SMAP1: variants seen among roughly 807,000 people sequenced by gnomAD.
SMAP1 encodes stromal membrane-associated protein 1.
A neutral mutation model predicts 58.5 loss-of-function variants in SMAP1; 24 were observed. The ratio of observed to expected loss-of-function variants is 0.41; its 90% confidence interval spans 0.30 to 0.58. The LOEUF is 0.58. Among genes scored for constraint, SMAP1 ranks in the 20% least tolerant of loss-of-function variants. The pLI is 0.29. For missense variants in SMAP1, 563 were observed against 566.3 expected, an observed-to-expected ratio of 0.99 and a Z score of 0.06; for synonymous variants, 216 against 196.6, an observed-to-expected ratio of 1.10 and a Z score of -0.82.
chr6:70,771,877 C>G (rs531046008), intron 3 of SMAP1, among the ~76,000 whole-genome samples: 151 of 152,188 alleles, frequency 9.9e-4, no homozygotes, highest in Non-Finnish European at 2.1e-3. Context: ...GGAGCTGTTC[C>G]TATTTGGCCA....
At chr6:70,809,727 G>A (rs962469668) in intron 6 of SMAP1, among the ~76,000 whole-genome samples, 5 of 152,200 alleles carry the variant, frequency 3.3e-5, no homozygotes, top group Admixed American at 2.6e-4. Context: ...TGGTATAGGT[G>A]AGTAAATGCA....
At position 70,861,888 on chromosome 6, in the gene SMAP1, AAGTC is replaced by A. The variant is rs1391286319; in HGVS notation, c.*1557_*1560del. ...TTCGACTGTTGTTATCTGTTTGAGAAAGTCAGATTCTTGCATCCCTGGCTGGGAT... is the reference window on the plus strand; with the variant it reads ...TTCGACTGTTGTTATCTGTTTGAGAAAGATTCTTGCATCCCTGGCTGGGAT... On this transcript the variant is annotated 3_prime_UTR_variant, in exon 11 of 11. Coordinates refer to ENST00000370455, the MANE Select transcript of SMAP1 (RefSeq NM_001044305.3). The A allele has an allele frequency of 6.2e-7, 1 of 1,614,018 alleles. No individual in the cohort carries two copies. The highest frequency in any genetic ancestry group is 1.7e-5 in the Admixed American group (1 of 60,014).
chr6:70,785,362 A>G (rs1230541330), intron 4 of SMAP1, among the ~76,000 whole-genome samples: 1 of 152,230 alleles, frequency 6.6e-6, no homozygotes, highest in Non-Finnish European at 1.5e-5. Context: ...GAAAGATCCA[A>G]AAGTGACTCC....
chr6:70,729,529 A>G (rs984112571), intron 1 of SMAP1, among the ~76,000 whole-genome samples: 1 of 149,378 alleles, frequency 6.7e-6, no homozygotes, highest in African/African-American at 2.5e-5. Flanking sequence ...CTTTAGTCCT[A>G]TATTCTAAAT....
chr6:70,842,174 T>C (rs868259017), intron 7 of SMAP1, among the ~76,000 whole-genome samples: 16 of 151,944 alleles, frequency 1.1e-4, no homozygotes, highest in Admixed American at 4.6e-4. Context: ...CCCAAGAAAA[T>C]TTTATAGTCA....
intron 6 of SMAP1, among the ~76,000 whole-genome samples, chr6:70,801,338 T>C (rs1768843476): frequency 6.6e-6 from 1 of 152,242 alleles, no homozygotes; most frequent in Non-Finnish European, 1.5e-5. Flanking sequence ...TGTCTGTTCA[T>C]ATCCTTTGCC....
intron 5 of SMAP1, among the ~76,000 whole-genome samples, chr6:70,795,555 T>A (rs1407914443): frequency 6.6e-6 from 1 of 152,150 alleles, no homozygotes; most frequent in East Asian, 1.9e-4. Context: ...GTGTGAATCC[T>A]ATTCATGAAG....
chr6:70,759,004 G>A (rs534164503), intron 3 of SMAP1, among the ~76,000 whole-genome samples: 2 of 152,186 alleles, frequency 1.3e-5, no homozygotes, highest in South Asian at 4.2e-4. Flanking sequence ...CTAGAAGAGA[G>A]CAGTACATTC....
intron 5 of SMAP1, among the ~76,000 whole-genome samples, chr6:70,792,499 A>G (rs1309680331): frequency 6.6e-6 from 1 of 152,044 alleles, no homozygotes; most frequent in Non-Finnish European, 1.5e-5. Context: ...AAGGCAAGAA[A>G]ACAGATAACT....
chr6:70,697,309 CTT>C (rs1225213485), intron 1 of SMAP1, among the ~76,000 whole-genome samples: 15 of 142,394 alleles, frequency 1.1e-4, no homozygotes, highest in Non-Finnish European at 7.7e-5. Context: ...TCCTTTATTC[CTT>C]TTTTTTTTTT....
intron 6 of SMAP1, among the ~76,000 whole-genome samples, chr6:70,835,755 C>G (rs1184679010): frequency 2.0e-5 from 3 of 152,144 alleles, no homozygotes; most frequent in Non-Finnish European, 2.9e-5. Context: ...GATCCTCCTA[C>G]CTTGTCCTCC....
intron 6 of SMAP1, among the ~76,000 whole-genome samples, chr6:70,808,700 C>T (rs1769251839): frequency 6.6e-6 from 1 of 152,194 alleles, no homozygotes; most frequent in Admixed American, 6.5e-5. Flanking sequence ...CAAACATCAT[C>T]TAACAGTATC....
chr6:70,804,328 A>G (rs1241584205), intron 6 of SMAP1, among the ~76,000 whole-genome samples: 1 of 135,480 alleles, frequency 7.4e-6, no homozygotes, highest in Admixed American at 7.3e-5. Flanking sequence ...TTTTTTTTTT[A>G]ACTTTCCATT....
intron 4 of SMAP1, among the ~76,000 whole-genome samples, chr6:70,789,494 C>T (rs188984254): frequency 3.3e-5 from 5 of 151,862 alleles, no homozygotes; most frequent in Admixed American, 1.3e-4. Context: ...ATGAATTCAC[C>T]TGTTCATCTG....
At chr6:70,754,719 T>A (rs1381735588) in intron 2 of SMAP1, among the ~76,000 whole-genome samples, 1 of 152,070 alleles carries the variant, frequency 6.6e-6, no homozygotes, top group Non-Finnish European at 1.5e-5. Context: ...GTAAAGGTGG[T>A]ACTGTTTTCA....
Position 70,773,111 on chromosome 6 carries a change from C to T in SMAP1, c.339-239C>T, listed in dbSNP as rs1341361830. The stretch of plus-strand genomic sequence containing the variant: ...GAATTAAGAATTGTCATTTACTTTT[C>T]TTTCTAGAATTAGTTTGGATGAGTT... On this transcript the variant is annotated intron_variant, in intron 3 of 10. Transcript: ENST00000370455. 2.8e-5 allele frequency: 10 copies of T among 355,704 alleles called. No individual in the cohort carries two copies. In the South Asian group the frequency reaches 4.1e-4, roughly 15 times the overall value. 22.0% of individuals were successfully genotyped at this position (355,704 alleles called of 1,614,324 possible).
rs565145411 is a variant in SMAP1, at chr6:70,691,141, G to T, written c.118+23000G>T. ...CTTTATTGTATCTGTAGAATCTGTA[G>T]TAATGTCTCTTCTATCATTGCTGAT... On this transcript the variant is annotated intron_variant, in intron 1 of 10. Coordinates refer to ENST00000370455, the MANE Select transcript of SMAP1 (RefSeq NM_001044305.3). Among the ~76,000 whole-genome samples, 4 of 152,258 alleles carry T rather than the reference G, an allele frequency of 2.6e-5. No homozygotes were observed. The South Asian group carries it at 8.3e-4, about 32-fold the overall frequency.
intron 2 of SMAP1, among the ~76,000 whole-genome samples, chr6:70,736,551 A>T (rs925745909): frequency 3.9e-5 from 6 of 152,256 alleles, no homozygotes; most frequent in African/African-American, 1.4e-4. Flanking sequence ...AATTTGGTCT[A>T]TAGTGATAGT....
intron 1 of SMAP1, among the ~76,000 whole-genome samples, chr6:70,677,180 ATT>A (rs78899089): frequency 4.5e-5 from 6 of 134,786 alleles, no homozygotes; most frequent in East Asian, 2.1e-4. Context: ...TATATATATA[ATT>A]TTTTTTTTTT....
Sources: gnomAD v4.1 joint callset for allele counts (sites outside exome capture counted in the v4.1 genomes callset) on GRCh38, gnomAD v4.1.1 for gene constraint, MANE v1.5 for transcripts, NCBI Gene and HGNC (gene_info 2026-07-23, HGNC 2026-07-21) for gene names.